FN1: variants seen among roughly 807,000 people sequenced by gnomAD.
FN1 encodes the protein fibronectin 1, also known as fibronectin.
In FN1, 106 loss-of-function variants were observed where a neutral mutation model predicts 297.3. The observed-to-expected ratio is 0.36, with a 90% CI of 0.30 to 0.42. FN1 has a LOEUF of 0.42. Among genes scored for constraint, FN1 ranks in the 10% least tolerant of loss-of-function variants. The pLI, the probability that FN1 is intolerant of heterozygous loss-of-function variation, is 1.00. For synonymous variants in FN1, 1,149 were observed against 1,152.6 expected (o/e 1.00, Z 0.06); for missense variants, 2,690 against 3,124.9 (o/e 0.86, Z 3.32).
At position 215,395,495 on chromosome 2, in the gene FN1, C is replaced by T. The variant is rs146573517; in HGVS notation, c.3605-776G>A. Reference sequence around the variant, plus strand: ...CGGAGGTTGCAGTGAGTTGAGATGGCGCCACTGCACTCCAAGCCTGGGTGA... The same window carrying T: ...CGGAGGTTGCAGTGAGTTGAGATGGTGCCACTGCACTCCAAGCCTGGGTGA... On this transcript the variant is annotated intron_variant, in intron 23 of 45. Coordinates refer to ENST00000354785, the MANE Select transcript of FN1 (RefSeq NM_212482.4). 2.2e-4 allele frequency among the ~76,000 whole-genome samples: 33 copies of T among 150,896 alleles called. No homozygotes were observed. In the East Asian group the frequency reaches 4.9e-3, roughly 22 times the overall value.
intron 34 of FN1, among the ~76,000 whole-genome samples, chr2:215,378,690 C>T (rs139848318): frequency 6.6e-6 from 1 of 152,222 alleles, no homozygotes; most frequent in East Asian, 1.9e-4. Flanking sequence ...CATCAGTCCC[C>T]TAGGTTCCTA....
At position 215,361,977 on chromosome 2, in the gene FN1, T is replaced by C. The variant is rs147396555; in HGVS notation, c.7354A>G (p.Thr2452Ala). 1.2e-6 allele frequency: 2 copies of C among 1,613,678 alleles called. No homozygotes were observed. The highest frequency in any genetic ancestry group is 1.7e-6 in the Non-Finnish European group (2 of 1,179,760). ...GCTGCTAATGCACTTACAGTGTTTG[T>C]TCTCTGATGGTATCTCTGAGAATAC... ...NQYSQRYHQRTNTNVNCPIEC... is the reference protein window; with the variant it reads ...NQYSQRYHQRANTNVNCPIEC... Residue 2452 changes from threonine (T) to alanine (A), a missense_variant, in exon 45 of 46, where the codon ACA becomes GCA. By Grantham distance (58) the Thr-to-Ala change is moderately conservative. This residue lies in a region of FN1 where 1,743 missense variants were observed against 1,945.2 expected (regional missense o/e 0.90). Coordinates refer to ENST00000354785, the MANE Select transcript of FN1 (RefSeq NM_212482.4).
At position 215,406,276 on chromosome 2, in the gene FN1, C is replaced by T. The variant is rs760014586; in HGVS notation, c.2948G>A (p.Gly983Glu). The change falls in exon 19 of 46, where the codon GGG becomes GAG. Residue 983 changes from glycine (G) to glutamate (E), a missense_variant. Physicochemically the swap from Gly to Glu is moderately conservative, Grantham distance 98 (BLOSUM62 -2). Around this residue, in one of 3 missense-constraint regions of FN1, gnomAD observed 1,743 missense variants for 1,945.2 expected, o/e 0.90. Coordinates refer to ENST00000354785, the MANE Select transcript of FN1 (RefSeq NM_212482.4). ...AGCAGTCAGAGGCTTGCTCTCCCTCCCATGGCTCACTGCAAAGACTTTGAA... is the reference window on the plus strand; with the variant it reads ...AGCAGTCAGAGGCTTGCTCTCCCTCTCATGGCTCACTGCAAAGACTTTGAA... ...YYFKVFAVSH[G>E]RESKPLTAQQ... 6.2e-7 allele frequency: 1 copy of T among 1,614,030 alleles called. No homozygotes were observed. The highest frequency in any genetic ancestry group is 8.5e-7 in the Non-Finnish European group (1 of 1,180,014).
intron 42 of FN1, among the ~76,000 whole-genome samples, chr2:215,367,394 GT>G (rs1358511585): frequency 6.6e-6 from 1 of 152,194 alleles, no homozygotes; most frequent in African/African-American, 2.4e-5. Context: ...GGCTATGTGT[GT>G]GACGCAAAAG....
rs1191999543 is a variant in FN1 at position 215,370,321 on chromosome 2, C to G, written c.6826G>C (p.Glu2276Gln). 1 of 1,614,012 alleles carries G rather than the reference C, an allele frequency of 6.2e-7. No individual in the cohort carries two copies. The highest frequency in any genetic ancestry group is 8.5e-7 in the Non-Finnish European group (1 of 1,180,008). ...LKDQQRHKVR[E>Q]EVVTVGNSVN... The stretch of plus-strand genomic sequence containing the variant: ...GAGTTGCCCACGGTAACAACCTCTT[C>G]CCGAACCTTATGCCTCTGCTGGTCT... The change falls in exon 41 of 46, where the codon GAA becomes CAA. Residue 2276 changes from glutamate to glutamine, a missense_variant. Physicochemically the swap from Glu to Gln is conservative, Grantham distance 29 (BLOSUM62 2). This residue lies in a region of FN1 where 1,743 missense variants were observed against 1,945.2 expected (regional missense o/e 0.90). Transcript: ENST00000354785.
intron 21 of FN1, 85 bp downstream of exon 21, chr2:215,399,172 T>C (rs1204982003): frequency 4.9e-6 from 5 of 1,014,572 alleles, no homozygotes; most frequent in South Asian, 1.3e-5. Flanking sequence ...GTCTCCTGAC[T>C]CCTGAGCACC....
rs555324725 is a variant in FN1, at chr2:215,406,389, G to A, written c.2835C>T (p.Asn945=). 3.1e-6 allele frequency: 5 copies of A among 1,614,224 alleles called. No homozygotes were observed. The African/African-American group carries it at 5.3e-5, about 17-fold the overall frequency. Residue 945 remains asparagine (N), a synonymous_variant, in exon 19 of 46, where the codon AAC becomes AAT. Coordinates refer to ENST00000354785, the MANE Select transcript of FN1 (RefSeq NM_212482.4). The stretch of plus-strand genomic sequence containing the variant: ...GCCTCTGCCCGTGCTCGCCAGGCAG[G>A]TTGACGGGGATCACATCCACACGGT... ...TGYRVDVIPV[N]LPGEHGQRLP...
intron 27 of FN1, among the ~76,000 whole-genome samples, chr2:215,387,604 G>A (rs770091654): frequency 3.9e-5 from 6 of 152,126 alleles, no homozygotes; most frequent in Non-Finnish European, 7.3e-5. Context: ...TAGTCTCTGG[G>A]ACTTCCAGCA....
In FN1 at chr2:215,430,468, T is replaced by G. The variant is rs7574485; in HGVS notation, c.685+247A>C. On this transcript the variant is annotated intron_variant, in intron 5 of 45. Coordinates refer to ENST00000354785, the MANE Select transcript of FN1 (RefSeq NM_212482.4). Reference sequence around the variant, plus strand: ...AACATAGAAGGAAACCTAAACCTTTTGTTCAACTCTATGTCAGTGGCAGTG... The same window carrying G: ...AACATAGAAGGAAACCTAAACCTTTGGTTCAACTCTATGTCAGTGGCAGTG... 0.22 allele frequency among the ~76,000 whole-genome samples: 33,458 copies of G among 152,126 alleles called. 3,957 individuals are homozygous for G. The highest frequency in any genetic ancestry group is 0.25 in the Non-Finnish European group (16,749 of 67,972).
chr2:215,411,035 T>C (rs2062550948), intron 13 of FN1, among the ~76,000 whole-genome samples: 1 of 152,238 alleles, frequency 6.6e-6, no homozygotes, highest in Admixed American at 6.5e-5. Context: ...ACTCATCATA[T>C]ACCAGGTTCA....
intron 25 of FN1, 29 bp downstream of exon 25, chr2:215,392,902 T>A (rs751715371): frequency 6.2e-7 from 1 of 1,611,786 alleles, no homozygotes; most frequent in Admixed American, 1.7e-5. Context: ...ACCATCTATG[T>A]CTCAAACGCA....
intron 24 of FN1, 138 bp downstream of exon 24, chr2:215,394,390 G>T: frequency 2.5e-6 from 2 of 802,942 alleles, no homozygotes; most frequent in Non-Finnish European, 4.3e-6. Context: ...TGACTTCTTG[G>T]TTTTGGAAAG....
At chr2:215,402,132 C>CT (rs1296499942) in intron 20 of FN1, among the ~76,000 whole-genome samples, 3 of 152,130 alleles carry the variant, frequency 2.0e-5, no homozygotes, top group Admixed American at 6.5e-5. Flanking sequence ...AAAACCACAA[C>CT]TTTTTTTACA....
intron 26 of FN1, among the ~76,000 whole-genome samples, chr2:215,388,791 C>T (rs1264763855): frequency 4.6e-5 from 7 of 152,006 alleles, no homozygotes; most frequent in Non-Finnish European, 1.0e-4. Context: ...AGACCATCAC[C>T]GCATTCAAGA....
rs970358468 is a variant in FN1, at chr2:215,370,542, AAAAACAAAAAAC to A, written c.6715-122_6715-111del. The A allele has an allele frequency of 7.0e-4, 338 of 480,878 alleles. 1 individual carries two copies. Among genetic ancestry groups the A allele is most frequent in the South Asian group, 2.9e-3 (86 of 29,678 alleles). The allele number at this position is 480,878 out of a possible 1,614,324, so 29.8% of individuals were successfully genotyped here. On this transcript the variant is annotated intron_variant, in intron 40 of 45. Transcript: ENST00000354785. ...TGTTTAAACAAAGCAAAGGAAGACA[AAAAACAAAAAAC>A]AAAAAAAAAAAAAAGAGGGAGGGTA...
intron 5 of FN1, among the ~76,000 whole-genome samples, chr2:215,430,147 T>G (rs954050304): frequency 2.0e-5 from 3 of 152,246 alleles, no homozygotes; most frequent in African/African-American, 7.2e-5. Context: ...GATTTTAAAC[T>G]TATTTACAAC....
At position 215,409,943 on chromosome 2, in the gene FN1, G is replaced by GTGTGCT; in HGVS notation, c.2107_2112dup (p.Ser703_Thr704dup). 6.2e-7 allele frequency: 1 copy of GTGTGCT among 1,613,852 alleles called. No homozygotes were observed. Among genetic ancestry groups the GTGTGCT allele is most frequent in the Non-Finnish European group, 8.5e-7 (1 of 1,180,004 alleles). ...GTGGTTGTGTACATACTGGTCACAG[G>GTGTGCT]TGTGCTGGTGCTGGTGGTGGTGAAG... On this transcript the variant is annotated inframe_insertion, in exon 14 of 46. Transcript: ENST00000354785.
chr2:215,394,757 A>G, intron 23 of FN1, 38 bp from the exon 24 acceptor site: 1 of 1,484,126 alleles, frequency 6.7e-7, no homozygotes, highest in South Asian at 1.1e-5. Flanking sequence ...TGCACAGAGG[A>G]TCTGTGAGCC....
chr2:215,401,232 AAGAAAG>A (rs1369456071), intron 20 of FN1, among the ~76,000 whole-genome samples: 1 of 66,972 alleles, frequency 1.5e-5, no homozygotes, highest in Non-Finnish European at 3.4e-5. Context: ...GAAAGAAAGA[AAGAAAG>A]AAAGAAAGAA....
Sources: allele counts gnomAD v4.1 joint callset (sites outside exome capture counted in the v4.1 genomes callset), GRCh38; gene constraint gnomAD v4.1.1; regional missense constraint gnomAD v4.1.1; transcripts MANE v1.5; gene names NCBI Gene and HGNC (gene_info 2026-07-23, HGNC 2026-07-21).